The following SUPT5H variants were observed in gnomAD, a reference collection of about 807,000 sequenced individuals.
The protein encoded by SUPT5H is transcription elongation factor SPT5.
In SUPT5H, 24 loss-of-function variants were observed where a neutral mutation model predicts 142.5. The observed-to-expected ratio is 0.17, with a 90% CI of 0.12 to 0.24. The LOEUF is 0.24. SUPT5H is among the 10% of genes least tolerant of loss of function. The pLI is 1.00. For synonymous variants in SUPT5H, 546 were observed against 553.0 expected, an observed-to-expected ratio of 0.99 and a Z score of 0.18; for missense variants, 893 against 1,471.8, an observed-to-expected ratio of 0.61 and a Z score of 6.43.
At chr19:39,463,969 GTTC>G (rs946972560) in intron 10 of SUPT5H, among the ~76,000 whole-genome samples, 7 of 147,620 alleles carry the variant, frequency 4.7e-5, no homozygotes, top group African/African-American at 1.7e-4. Flanking sequence ...TCCTTTCTTG[GTTC>G]TTCTTCTAGT....
chr19:39,458,665 G>T lies in SUPT5H; in HGVS notation c.320-153G>T. ...AAGAAGCAGGATGCTGAGTAGGACA[G>T]AGTAGGGGATGAGGGGTTGGGATTT... On this transcript the variant is annotated intron_variant, in intron 5 of 29. Transcript: ENST00000432763. The surrounding 1 kb of genome is among the most constrained non-coding windows in gnomAD (Gnocchi z 4.2). 1 of 771,536 alleles carries T rather than the reference G, an allele frequency of 1.3e-6. No homozygotes were observed. The allele number at this position is 771,536 out of a possible 1,614,324, so 47.8% of individuals were successfully genotyped here. A position where few individuals can be genotyped will look rare whatever the true frequency, so the allele number is the denominator to read the frequency against.
Position 39,470,150 on chromosome 19 carries a change from G to A in SUPT5H, c.1406G>A (p.Arg469Lys). Residue 469 changes from arginine (R) to lysine (K), a missense_variant, in exon 17 of 30, where the codon AGA (arginine) becomes AAA (lysine). Coordinates refer to ENST00000432763, the MANE Select transcript of SUPT5H (RefSeq NM_001111020.3). This position sits in a 1 kb window ranked among gnomAD's most constrained non-coding sequence, Gnocchi z 5.8. ...TTGGAGTTCCCAGCCCAGGAACTTA[G>A]AAAATACTTCAAGATGGGGGACCAC... is the stretch of plus-strand genomic sequence containing the variant. ...DMLEFPAQEL[R>K]KYFKMGDHVK... The A allele has an allele frequency of 6.2e-7, 1 of 1,613,194 alleles. No homozygotes were observed. The highest frequency in any genetic ancestry group is 8.5e-7 in the Non-Finnish European group (1 of 1,179,492).
Position 39,458,835 on chromosome 19 carries a change from G to T in SUPT5H, c.337G>T (p.Val113Phe). ...EEIEASNIDN[V>F]VLDEDRSGAR... ...TTTTTCAGCCTCCAATATCGATAATGTTGTCCTGGATGAAGATCGTTCTGG... is the reference window on the plus strand; with the variant it reads ...TTTTTCAGCCTCCAATATCGATAATTTTGTCCTGGATGAAGATCGTTCTGG... The change falls in exon 6 of 30, where the codon GTT (valine) becomes TTT (phenylalanine). Residue 113 changes from valine to phenylalanine, a missense_variant. By Grantham distance (50) the Val-to-Phe change is conservative (BLOSUM62 -1). Transcript: ENST00000432763. This position sits in a 1 kb window ranked among gnomAD's most constrained non-coding sequence, Gnocchi z 4.2. 1.9e-6 allele frequency: 3 copies of T among 1,613,240 alleles called. No individual in the cohort carries two copies. The highest frequency in any genetic ancestry group is 2.5e-6 in the Non-Finnish European group (3 of 1,179,452).
chr19:39,475,004 G>A, intron 28 of SUPT5H: 1 of 498,918 alleles, frequency 2.0e-6, no homozygotes, highest in East Asian at 3.7e-5. Context: ...CCAAATGGAG[G>A]GAACTGCATG....
chr19:39,474,674 G>A lies in SUPT5H; in HGVS notation c.2980G>A (p.Asp994Asn), dbSNP rs1303206387. ...IQVKVRDTYL[D>N]TQVVGQTGVI... Reference sequence around the variant, plus strand: ...GGTGAAGGTGCGGGACACCTACCTGGATACACAGGTGGTGGGACAGACAGG... The same window carrying A: ...GGTGAAGGTGCGGGACACCTACCTGAATACACAGGTGGTGGGACAGACAGG... Residue 994 changes from aspartate to asparagine, a missense_variant, in exon 28 of 30, where the codon GAT becomes AAT. This residue lies in a region of SUPT5H where 336 missense variants were observed against 546.5 expected (regional missense o/e 0.61). Transcript: ENST00000432763. This position sits in a 1 kb window ranked among gnomAD's most constrained non-coding sequence, Gnocchi z 6.5. 1 of 1,613,976 alleles carries A rather than the reference G, an allele frequency of 6.2e-7. No homozygotes were observed. The highest frequency in any genetic ancestry group is 8.5e-7 in the Non-Finnish European group (1 of 1,179,964).
chr19:39,458,015 G>T lies in SUPT5H; in HGVS notation c.307+275G>T, dbSNP rs369484520. 23 of 739,122 alleles carry T rather than the reference G, an allele frequency of 3.1e-5. No homozygotes were observed. In the African/African-American group the frequency reaches 3.8e-4, roughly 12 times the overall value. The allele number at this position is 739,122 out of a possible 1,614,324, so 45.8% of individuals were successfully genotyped here. A position where few individuals can be genotyped will look rare whatever the true frequency, so the allele number is the denominator to read the frequency against. ...CCTTCTGGGGTTGTAGGGTGGGCGAGCTCTGTCCCAAGATACCCCCCACTT... is the reference window on the plus strand; with the variant it reads ...CCTTCTGGGGTTGTAGGGTGGGCGATCTCTGTCCCAAGATACCCCCCACTT... On this transcript the variant is annotated intron_variant, in intron 4 of 29. Transcript: ENST00000432763. This position sits in a 1 kb window ranked among gnomAD's most constrained non-coding sequence, Gnocchi z 4.2.
intron 3 of SUPT5H, among the ~76,000 whole-genome samples, chr19:39,454,859 A>T (rs911329865): frequency 7.9e-5 from 12 of 152,254 alleles, no homozygotes; most frequent in South Asian, 2.1e-4. Context: ...GGTGCTCTGG[A>T]TGTTCTTGGA....
In SUPT5H at chr19:39,458,493, A is replaced by T. The variant is rs1232583761; in HGVS notation, c.319+188A>T. The T allele has an allele frequency of 1.8e-6, 2 of 1,083,390 alleles. No individual in the cohort carries two copies. Among genetic ancestry groups the T allele is most frequent in the African/African-American group, 1.6e-5 (1 of 63,338 alleles). The allele number at this position is 1,083,390 out of a possible 1,614,324, so 67.1% of individuals were successfully genotyped here. ...GTATACCCCAGTTGTTGACCTGGGA[A>T]AGCACGGATGTGTCTGTCTGGGACT... On this transcript the variant is annotated intron_variant, in intron 5 of 29. Coordinates refer to ENST00000432763, the MANE Select transcript of SUPT5H (RefSeq NM_001111020.3). The surrounding 1 kb of genome is among the most constrained non-coding windows in gnomAD (Gnocchi z 4.2).
chr19:39,472,590 G>A lies in SUPT5H; in HGVS notation c.2035+97G>A, dbSNP rs1386258211. On this transcript the variant is annotated intron_variant, in intron 21 of 29. Transcript: ENST00000432763. The surrounding 1 kb of genome is among the most constrained non-coding windows in gnomAD (Gnocchi z 4.2). ...ACTCACTGAGTGCCTGTGCTGGGCT[G>A]GGCACTGCTATTAGGGGTTCACCAC... 2 of 1,444,078 alleles carry A rather than the reference G, an allele frequency of 1.4e-6. No homozygotes were observed. Among genetic ancestry groups the A allele is most frequent in the African/African-American group, 1.4e-5 (1 of 71,366 alleles). 89.5% of individuals were successfully genotyped at this position (1,444,078 alleles called of 1,614,324 possible).
At chr19:39,450,407 C>G (rs1319848470) in intron 2 of SUPT5H, among the ~76,000 whole-genome samples, 1 of 152,114 alleles carries the variant, frequency 6.6e-6, no homozygotes, top group Admixed American at 6.5e-5. Flanking sequence ...TCCTGAATAG[C>G]TGGGATTACA....
intron 20 of SUPT5H, 164 bp downstream of exon 20, chr19:39,471,894 C>T: frequency 1.9e-6 from 2 of 1,031,198 alleles, no homozygotes; most frequent in Non-Finnish European, 2.7e-6. Flanking sequence ...GGATTCTGAG[C>T]TGTTCACCAA....
At chr19:39,448,571 C>T (rs986163049) in intron 2 of SUPT5H, among the ~76,000 whole-genome samples, 14 of 152,216 alleles carry the variant, frequency 9.2e-5, no homozygotes, top group African/African-American at 2.9e-4. Flanking sequence ...CCCCCACCCC[C>T]GCCGCTGGCT....
At chr19:39,459,439 TCAG>T in intron 8 of SUPT5H, 117 bp from the exon 9 acceptor site, 1 of 1,409,078 alleles carries the variant, frequency 7.1e-7, no homozygotes, top group Non-Finnish European at 9.9e-7. Context: ...CGTGGGGAAG[TCAG>T]TGAGTGTGAG....
At chr19:39,449,705 G>A (rs545038182) in intron 2 of SUPT5H, among the ~76,000 whole-genome samples, 4 of 151,022 alleles carry the variant, frequency 2.6e-5, no homozygotes, top group Non-Finnish European at 5.9e-5. Context: ...GCAGTGGCAC[G>A]ATCTCAGCTC....
In SUPT5H at chr19:39,458,130, T is replaced by G; in HGVS notation, c.308-164T>G. The G allele has an allele frequency of 8.0e-7, 1 of 1,246,336 alleles. No homozygotes were observed. The highest frequency in any genetic ancestry group is 1.1e-6 in the Non-Finnish European group (1 of 916,560). The allele number at this position is 1,246,336 out of a possible 1,614,324, so 77.2% of individuals were successfully genotyped here. ...TCCCCAACCACCTGGTGCCTGGCCT[T>G]TACTTTTGGTTTTCAACCTTTCTGT... On this transcript the variant is annotated intron_variant, in intron 4 of 29. Coordinates refer to ENST00000432763, the MANE Select transcript of SUPT5H (RefSeq NM_001111020.3). The surrounding 1 kb of genome is among the most constrained non-coding windows in gnomAD (Gnocchi z 4.2).
Position 39,458,795 on chromosome 19 carries a change from G to A in SUPT5H, c.320-23G>A, listed in dbSNP as rs546489423. The A allele has an allele frequency of 8.1e-6, 13 of 1,599,046 alleles. No homozygotes were observed. The East Asian group carries it at 2.2e-4, about 28-fold the overall frequency. On this transcript the variant is annotated intron_variant, in intron 5 of 29. Transcript: ENST00000432763. The surrounding 1 kb of genome is among the most constrained non-coding windows in gnomAD (Gnocchi z 4.2). ...CTGCCCTCCACCTGCCCTTGCTCAC[G>A]CCCTCTGCCCATTATTTTTCAGCCT...
chr19:39,452,691 C>T lies in SUPT5H; in HGVS notation c.76-665C>T, dbSNP rs902956085. Among the ~76,000 whole-genome samples, 8 of 152,048 alleles carry T rather than the reference C, an allele frequency of 5.3e-5. No individual in the cohort carries two copies. In the East Asian group the frequency reaches 1.2e-3, roughly 22 times the overall value. The stretch of plus-strand genomic sequence containing the variant: ...TGTCCACCACCGCCAAGGGAGAGGA[C>T]GAGATGGCCTTGGGGAGTTGTAGAA... On this transcript the variant is annotated intron_variant, in intron 2 of 29. Coordinates refer to ENST00000432763, the MANE Select transcript of SUPT5H (RefSeq NM_001111020.3).
In SUPT5H at chr19:39,476,379, G is replaced by C; in HGVS notation, c.3244G>C (p.Gly1082Arg). ...CAAGATCCTCAACCTCCGCTTCCTGGGGAAGCTCCTGGAAGCCTGAAGCAG... is the reference window on the plus strand; with the variant it reads ...CAAGATCCTCAACCTCCGCTTCCTGCGGAAGCTCCTGGAAGCCTGAAGCAG... Reference protein sequence around the residue: ...QLKILNLRFLGKLLEA With the variant: ...QLKILNLRFLRKLLEA The change falls in exon 30 of 30, where the codon GGG becomes CGG. Residue 1082 changes from glycine to arginine, a missense_variant. Around this residue, in one of 6 missense-constraint regions of SUPT5H, gnomAD observed 336 missense variants for 546.5 expected, o/e 0.61. Transcript: ENST00000432763. 6.2e-7 allele frequency: 1 copy of C among 1,614,090 alleles called. No individual in the cohort carries two copies. The highest frequency in any genetic ancestry group is 2.2e-5 in the East Asian group (1 of 44,882).
rs773107223 is a variant in SUPT5H, at chr19:39,472,461, G to A, written c.2003G>A (p.Arg668Gln). Residue 668 changes from arginine (R) to glutamine (Q), a missense_variant, in exon 21 of 30, where the codon CGG becomes CAG. This residue lies in a region of SUPT5H where 428 missense variants were observed against 763.5 expected (regional missense o/e 0.56). Coordinates refer to ENST00000432763, the MANE Select transcript of SUPT5H (RefSeq NM_001111020.3). This position sits in a 1 kb window ranked among gnomAD's most constrained non-coding sequence, Gnocchi z 4.2. ...TVGGFAPMSP[R>Q]ISSPMHPSAG... is the part of the protein sequence containing the mutation. ...GGTGGCTTTGCGCCTATGAGTCCCC[G>A]GATCAGCAGCCCCATGCACCCCAGT... 12 of 1,613,944 alleles carry A rather than the reference G, an allele frequency of 7.4e-6. 1 individual carries two copies. The highest frequency in any genetic ancestry group is 2.2e-5 in the South Asian group (2 of 91,084).
Sources: allele counts gnomAD v4.1 joint callset (sites outside exome capture counted in the v4.1 genomes callset), GRCh38; gene constraint gnomAD v4.1.1; regional missense constraint gnomAD v4.1.1; non-coding constraint Gnocchi (gnomAD v3.1); transcripts MANE v1.5; gene names NCBI Gene and HGNC (gene_info 2026-07-23, HGNC 2026-07-21).